Variants in ETV6 observed in about 807,000 individuals in gnomAD.
ETV6 encodes ETS variant transcription factor 6.
Under a neutral mutation model 51.1 loss-of-function variants are expected in ETV6, and 16 were observed. The ratio of observed to expected loss-of-function variants is 0.31; its 90% confidence interval spans 0.21 to 0.48. The LOEUF (loss-of-function observed/expected upper bound fraction) is 0.48. Among genes scored for constraint, ETV6 ranks in the 20% least tolerant of loss-of-function variants. The probability of loss-of-function intolerance (pLI) is 0.99; values close to 1 mark genes in which losing one functional copy is unlikely to be tolerated. For synonymous variants in ETV6, 240 were observed against 224.1 expected, an observed-to-expected ratio of 1.07 and a Z score of -0.64; for missense variants, 458 against 594.8, an observed-to-expected ratio of 0.77 and a Z score of 2.39.
chr12:11,691,975 G>C (rs1261920876), intron 1 of ETV6, among the ~76,000 whole-genome samples: 1 of 152,230 alleles, frequency 6.6e-6, no homozygotes, highest in African/African-American at 2.4e-5. Flanking sequence ...GTGTGAAGAA[G>C]TAGCATGTAG....
At chr12:11,790,074 T>C (rs1262853052) in intron 2 of ETV6, among the ~76,000 whole-genome samples, 1 of 144,140 alleles carries the variant, frequency 6.9e-6, no homozygotes, top group Non-Finnish European at 1.5e-5. Flanking sequence ...CTTGGAGAGA[T>C]TCCTCAACCT....
chr12:11,667,761 G>A (rs923699913), intron 1 of ETV6, among the ~76,000 whole-genome samples: 1 of 140,404 alleles, frequency 7.1e-6, no homozygotes, highest in Non-Finnish European at 1.5e-5. Context: ...GGAGTGTAGT[G>A]GCATGGTCTC....
At chr12:11,717,632 A>G (rs765048045) in intron 1 of ETV6, among the ~76,000 whole-genome samples, 4 of 152,252 alleles carry the variant, frequency 2.6e-5, no homozygotes, top group Non-Finnish European at 5.9e-5. Context: ...ATCACAAGAC[A>G]GTTACTGAAG....
chr12:11,710,276 C>T (rs548104136), intron 1 of ETV6, among the ~76,000 whole-genome samples: 66 of 152,186 alleles, frequency 4.3e-4, no homozygotes, highest in African/African-American at 1.6e-3. Context: ...CATGCACACT[C>T]ATGTCTATGG....
intron 1 of ETV6, among the ~76,000 whole-genome samples, chr12:11,658,947 A>G (rs577362003): frequency 6.6e-6 from 1 of 152,226 alleles, no homozygotes; most frequent in Non-Finnish European, 1.5e-5. Flanking sequence ...CTATTCAGGG[A>G]TCTGCTCCTT....
chr12:11,742,801 C>CTTT (rs1230867068), intron 1 of ETV6, among the ~76,000 whole-genome samples: 2 of 63,046 alleles, frequency 3.2e-5, no homozygotes, highest in Non-Finnish European at 9.0e-5. Context: ...TCTTTTCTTT[C>CTTT]TTTCTTTTTT....
intron 2 of ETV6, among the ~76,000 whole-genome samples, chr12:11,813,497 G>C (rs1390100554): frequency 1.3e-5 from 2 of 152,192 alleles, no homozygotes; most frequent in African/African-American, 4.8e-5. Context: ...CAGACGCATA[G>C]ACAACAGAGT....
At chr12:11,650,223 C>G (rs946174596) in intron 1 of ETV6, 63 bp downstream of exon 1, 5 of 1,406,172 alleles carry the variant, frequency 3.6e-6, no homozygotes, top group East Asian at 2.3e-5. Context: ...CCAGGGCAGT[C>G]GTGCTGGGCT....
chr12:11,704,783 G>A (rs1453189282), intron 1 of ETV6, among the ~76,000 whole-genome samples: 1 of 152,148 alleles, frequency 6.6e-6, no homozygotes, highest in African/African-American at 2.4e-5. Flanking sequence ...GTTTGTGTGT[G>A]TGTGTGTGTG....
At chr12:11,881,001 G>A (rs1045411100) in intron 5 of ETV6, among the ~76,000 whole-genome samples, 2 of 152,156 alleles carry the variant, frequency 1.3e-5, no homozygotes, top group African/African-American at 4.8e-5. Flanking sequence ...GCAGTGGGTT[G>A]ATCATGGCTC....
Position 11,885,646 on chromosome 12 carries a change from G to A in ETV6, c.1153-280G>A, listed in dbSNP as rs554460478. ...GGTCTTGGGAAAAGGAAATAAGCGA[G>A]GCTGCTATGGGATCTGCTTTATTAG... On this transcript the variant is annotated intron_variant, in intron 6 of 7. Transcript: ENST00000396373. Among the ~76,000 whole-genome samples the A allele has an allele frequency of 3.3e-5, 5 of 152,334 alleles. No homozygotes were observed. In the East Asian group the frequency reaches 7.7e-4, roughly 23 times the overall value.
intron 7 of ETV6, among the ~76,000 whole-genome samples, chr12:11,887,472 G>A (rs186444681): frequency 2.1e-4 from 32 of 151,972 alleles, no homozygotes; most frequent in Non-Finnish European, 3.7e-4. Flanking sequence ...CCCAGAGGCC[G>A]GGCATGATGG....
chr12:11,743,982 CA>C (rs1175142340), intron 1 of ETV6, among the ~76,000 whole-genome samples: 1 of 152,170 alleles, frequency 6.6e-6, no homozygotes, highest in African/African-American at 2.4e-5. Context: ...GCTCAGGTTC[CA>C]AGCCCTTTGG....
chr12:11,817,572 T>C lies in ETV6; in HGVS notation c.164-21568T>C, dbSNP rs1946011399. Among the ~76,000 whole-genome samples the C allele has an allele frequency of 4.6e-5, 7 of 152,362 alleles. 1 individual carries two copies. In the South Asian group the frequency reaches 1.4e-3, roughly 32 times the overall value. On this transcript the variant is annotated intron_variant, in intron 2 of 7. Coordinates refer to ENST00000396373, the MANE Select transcript of ETV6 (RefSeq NM_001987.5). ...ATGATCTCAGTGTCTACTTAACTAA[T>C]CATGTACTTTTCTAGCCAGAAAGAC...
chr12:11,781,874 A>T (rs1238154962), intron 2 of ETV6, among the ~76,000 whole-genome samples: 1 of 152,182 alleles, frequency 6.6e-6, no homozygotes, highest in African/African-American at 2.4e-5. Flanking sequence ...GAAGGGAAAA[A>T]GATTGAATGG....
intron 2 of ETV6, among the ~76,000 whole-genome samples, chr12:11,804,376 C>T (rs904763538): frequency 3.9e-5 from 6 of 152,208 alleles, no homozygotes; most frequent in African/African-American, 1.4e-4. Context: ...ACTGCCAGGC[C>T]CTGTGTGATC....
intron 3 of ETV6, among the ~76,000 whole-genome samples, chr12:11,852,855 G>A (rs1345065347): frequency 6.6e-6 from 1 of 152,156 alleles, no homozygotes; most frequent in Non-Finnish European, 1.5e-5. Context: ...GGGATTCTAG[G>A]TCATGTTTTG....
intron 1 of ETV6, among the ~76,000 whole-genome samples, chr12:11,700,846 A>G (rs1211661521): frequency 6.6e-6 from 1 of 152,104 alleles, no homozygotes; most frequent in African/African-American, 2.4e-5. Context: ...GTGTAAATTT[A>G]CTGAAAAAAA....
intron 1 of ETV6, among the ~76,000 whole-genome samples, chr12:11,701,567 C>T (rs945343248): frequency 1.3e-5 from 2 of 152,126 alleles, no homozygotes; most frequent in African/African-American, 2.4e-5. Context: ...TTTCCCAAAG[C>T]GAAACTTCCA....
Sources: gnomAD v4.1 joint callset for allele counts (sites outside exome capture counted in the v4.1 genomes callset) on GRCh38, gnomAD v4.1.1 for gene constraint, MANE v1.5 for transcripts, NCBI Gene and HGNC (gene_info 2026-07-23, HGNC 2026-07-21) for gene names.